HIVEP3: variants seen among roughly 807,000 people sequenced by gnomAD.
HIVEP3 encodes transcription factor HIVEP3.
HIVEP3 carries 49 observed loss-of-function variants against 152.8 expected under a neutral mutation model. The observed-to-expected ratio is 0.32, with a 90% CI of 0.26 to 0.41. The LOEUF (loss-of-function observed/expected upper bound fraction) is 0.41, where lower values mean the gene tolerates loss of function less well. Among genes scored for constraint, HIVEP3 ranks in the 10% least tolerant of loss-of-function variants. HIVEP3 has a pLI of 1.00. For synonymous variants in HIVEP3, 1,269 were observed against 1,289.0 expected (o/e 0.98, Z 0.33); for missense variants, 2,790 against 3,103.3 (o/e 0.90, Z 2.40).
At chr1:41,760,885 G>A (rs1647627282) in intron 1 of HIVEP3, among the ~76,000 whole-genome samples, 1 of 152,156 alleles carries the variant, frequency 6.6e-6, no homozygotes, top group African/African-American at 2.4e-5. Flanking sequence ...TGATGGGTAG[G>A]CATGGACTCT....
intron 1 of HIVEP3, among the ~76,000 whole-genome samples, chr1:42,035,322 G>A (rs1221639018): frequency 6.6e-6 from 1 of 152,210 alleles, no homozygotes; most frequent in East Asian, 1.9e-4. Context: ...AGGGAAACCT[G>A]GACCAGGGCC....
At chr1:41,855,882 G>T (rs1270372042) in intron 1 of HIVEP3, among the ~76,000 whole-genome samples, 1 of 152,204 alleles carries the variant, frequency 6.6e-6, no homozygotes, top group Non-Finnish European at 1.5e-5. Flanking sequence ...TGAATCAGAG[G>T]GGCTGGAATG....
chr1:41,994,930 CA>C (rs1645386911), intron 1 of HIVEP3, among the ~76,000 whole-genome samples: 1 of 151,660 alleles, frequency 6.6e-6, no homozygotes, highest in South Asian at 2.1e-4. Context: ...CTGGGTTTAA[CA>C]AGAGATTACA....
intron 1 of HIVEP3, among the ~76,000 whole-genome samples, chr1:41,884,414 G>A (rs1644311457): frequency 6.6e-6 from 1 of 152,176 alleles, no homozygotes; most frequent in African/African-American, 2.4e-5. Context: ...AGGATGGGCA[G>A]GCATTCCCGA....
chr1:41,699,287 C>T (rs1053247381), intron 2 of HIVEP3, among the ~76,000 whole-genome samples: 2 of 152,216 alleles, frequency 1.3e-5, no homozygotes, highest in Non-Finnish European at 2.9e-5. Flanking sequence ...CACCGCTCCT[C>T]AAAGGAGGGG....
At chr1:41,715,503 T>C (rs1351517452) in intron 1 of HIVEP3, among the ~76,000 whole-genome samples, 1 of 152,130 alleles carries the variant, frequency 6.6e-6, no homozygotes, top group Non-Finnish European at 1.5e-5. Flanking sequence ...AGGGCTGTGA[T>C]GGCAGCACCC....
chr1:41,948,067 T>C (rs116142584), intron 1 of HIVEP3, among the ~76,000 whole-genome samples: 2,335 of 152,326 alleles, frequency 0.015, 59 homozygotes, highest in African/African-American at 0.054. Flanking sequence ...CCACAAGTAA[T>C]TGCTCAAACC....
chr1:41,934,233 T>C (rs893678608), intron 1 of HIVEP3, among the ~76,000 whole-genome samples: 2 of 152,154 alleles, frequency 1.3e-5, no homozygotes, highest in African/African-American at 4.8e-5. Context: ...TGTGATCTCC[T>C]TTTATTTATT....
chr1:41,657,350 C>T (rs1406770716), intron 2 of HIVEP3, among the ~76,000 whole-genome samples: 1 of 152,192 alleles, frequency 6.6e-6, no homozygotes, highest in Non-Finnish European at 1.5e-5. Context: ...GGAAGTGATG[C>T]TGGCCCTGGT....
At chr1:41,620,519 C>T (rs553127078) in intron 3 of HIVEP3, among the ~76,000 whole-genome samples, 1 of 152,280 alleles carries the variant, frequency 6.6e-6, no homozygotes, top group East Asian at 1.9e-4. Context: ...TGCCTGTACT[C>T]AGTCCTCAAG....
intron 1 of HIVEP3, among the ~76,000 whole-genome samples, chr1:41,972,200 C>T (rs1273474304): frequency 1.3e-5 from 2 of 152,164 alleles, no homozygotes; most frequent in East Asian, 3.8e-4. Flanking sequence ...CCTTCAAAAC[C>T]CAGCCCAATG....
chr1:41,840,761 G>A (rs896845144), intron 1 of HIVEP3, among the ~76,000 whole-genome samples: 3 of 152,286 alleles, frequency 2.0e-5, no homozygotes, highest in Middle Eastern at 3.4e-3. Context: ...GTCACTGGAC[G>A]ACATAACCAG....
chr1:41,552,104 A>G (rs1643899906), intron 5 of HIVEP3, among the ~76,000 whole-genome samples: 1 of 152,228 alleles, frequency 6.6e-6, no homozygotes, highest in Admixed American at 6.5e-5. Context: ...TTGGTTTCAA[A>G]TAACATCTTT....
chr1:41,955,431 G>A (rs973383702), intron 1 of HIVEP3, among the ~76,000 whole-genome samples: 2 of 152,002 alleles, frequency 1.3e-5, no homozygotes, highest in Admixed American at 6.6e-5. Flanking sequence ...AAGTTTAGAG[G>A]GCATAGTTAA....
chr1:41,974,888 T>C (rs1437116427), intron 1 of HIVEP3, among the ~76,000 whole-genome samples: 2 of 152,104 alleles, frequency 1.3e-5, no homozygotes, highest in Non-Finnish European at 2.9e-5. Context: ...CTCTGGTGCA[T>C]GGCCATTATC....
intron 1 of HIVEP3, among the ~76,000 whole-genome samples, chr1:41,834,158 C>T (rs998319577): frequency 6.6e-6 from 1 of 152,198 alleles, no homozygotes; most frequent in African/African-American, 2.4e-5. Context: ...ATTTAATCCT[C>T]CTCACAAATG....
intron 1 of HIVEP3, among the ~76,000 whole-genome samples, chr1:41,789,144 T>C (rs1391949628): frequency 1.3e-5 from 2 of 152,212 alleles, no homozygotes; most frequent in African/African-American, 2.4e-5. Flanking sequence ...TCACAGCTCA[T>C]ATGACCACAC....
At chr1:41,885,884 C>T (rs1463748260) in intron 1 of HIVEP3, among the ~76,000 whole-genome samples, 2 of 149,080 alleles carry the variant, frequency 1.3e-5, no homozygotes, top group East Asian at 4.2e-4. Context: ...ACACTGAATA[C>T]CCATGATAAT....
intron 1 of HIVEP3, among the ~76,000 whole-genome samples, chr1:41,896,667 C>T (rs112538607): frequency 6.6e-6 from 1 of 151,626 alleles, no homozygotes; most frequent in Non-Finnish European, 1.5e-5. Context: ...CTCTGCCTCC[C>T]GGGTTCAAGC....
Sources: gnomAD v4.1 joint callset for allele counts (sites outside exome capture counted in the v4.1 genomes callset) on GRCh38, gnomAD v4.1.1 for gene constraint, MANE v1.5 for transcripts, NCBI Gene and HGNC (gene_info 2026-07-23, HGNC 2026-07-21) for gene names.